The following RUNX1 variants were observed in gnomAD, a reference collection of about 807,000 sequenced individuals.
RUNX1 encodes runt-related transcription factor 1.
In RUNX1, 19 loss-of-function variants were observed where a neutral mutation model predicts 42.8. The observed-to-expected ratio is 0.44, with a 90% confidence interval of 0.31 to 0.65. The LOEUF (loss-of-function observed/expected upper bound fraction) is 0.65. RUNX1 is among the 30% of genes least tolerant of loss of function. The probability of loss-of-function intolerance (pLI) is 0.07; values close to 1 mark genes in which losing one functional copy is unlikely to be tolerated. For synonymous variants in RUNX1, 271 were observed against 289.4 expected, an observed-to-expected ratio of 0.94 and a Z score of 0.64; for missense variants, 528 against 672.0, an observed-to-expected ratio of 0.79 and a Z score of 2.37.
chr21:34,952,444 C>T (rs2058615552), intron 2 of RUNX1, among the ~76,000 whole-genome samples: 1 of 151,888 alleles, frequency 6.6e-6, no homozygotes, highest in African/African-American at 2.4e-5. Flanking sequence ...ATGGAATTGG[C>T]CTGTCATTAT....
At chr21:34,972,888 T>A (rs1329395272) in intron 2 of RUNX1, among the ~76,000 whole-genome samples, 1 of 152,180 alleles carries the variant, frequency 6.6e-6, no homozygotes. Context: ...TCCCTCAACA[T>A]CTTGCTCTGG....
chr21:34,930,451 T>A (rs2058434882), intron 2 of RUNX1, among the ~76,000 whole-genome samples: 2 of 151,840 alleles, frequency 1.3e-5, no homozygotes, highest in South Asian at 2.1e-4. Context: ...AAGGAAGGAC[T>A]CTGAGACCAC....
chr21:34,882,510 T>G (rs2300400), intron 4 of RUNX1, among the ~76,000 whole-genome samples: 1 of 152,090 alleles, frequency 6.6e-6, no homozygotes, highest in African/African-American at 2.4e-5. Flanking sequence ...GTTTTCCATA[T>G]AGGAGATTTT....
chr21:35,018,944 C>A (rs1419561948), intron 2 of RUNX1, among the ~76,000 whole-genome samples: 1 of 152,246 alleles, frequency 6.6e-6, no homozygotes, highest in Non-Finnish European at 1.5e-5. Context: ...ACTCTCCAAG[C>A]ACCCTCAGCC....
rs113371851 is a variant in RUNX1, at chr21:34,946,225, G to A, written c.59-53262C>T. Among the ~76,000 whole-genome samples, 863 of 152,304 alleles carry A rather than the reference G, an allele frequency of 5.7e-3. 7 individuals carry two copies. Among genetic ancestry groups the A allele is most frequent in the African/African-American group, 0.02 (826 of 41,562 alleles). On this transcript the variant is annotated intron_variant, in intron 2 of 8. Transcript: ENST00000675419. ...TGCAGATGAACCTTGCCAAAGAAATGATATCACTGTGACATTTCTGTCTTC... is the reference window on the plus strand; with the variant it reads ...TGCAGATGAACCTTGCCAAAGAAATAATATCACTGTGACATTTCTGTCTTC...
intron 2 of RUNX1, among the ~76,000 whole-genome samples, chr21:34,909,659 T>A (rs1260097219): frequency 5.1e-5 from 1 of 19,644 alleles, no homozygotes; most frequent in Non-Finnish European, 8.4e-5. Flanking sequence ...CCTCTTCAGC[T>A]GAGTCTGGAA....
intron 2 of RUNX1, among the ~76,000 whole-genome samples, chr21:34,992,588 T>G (rs1354262441): frequency 6.6e-6 from 1 of 151,136 alleles, no homozygotes; most frequent in Non-Finnish European, 1.5e-5. Flanking sequence ...CAAGTGGTGA[T>G]TTCAGAGAGT....
At chr21:34,934,285 T>C (rs914911301) in intron 2 of RUNX1, among the ~76,000 whole-genome samples, 1 of 152,092 alleles carries the variant, frequency 6.6e-6, no homozygotes, top group African/African-American at 2.4e-5. Flanking sequence ...TTTTTAATCA[T>C]CTTAGGCTAA....
intron 2 of RUNX1, among the ~76,000 whole-genome samples, chr21:35,009,326 A>T (rs1294756544): frequency 6.6e-6 from 1 of 152,172 alleles, no homozygotes; most frequent in African/African-American, 2.4e-5. Flanking sequence ...ATCCTGCCCG[A>T]TGTCTTCTCT....
intron 2 of RUNX1, among the ~76,000 whole-genome samples, chr21:34,937,320 C>CG (rs1555907496): frequency 8.2e-6 from 1 of 122,212 alleles, no homozygotes; most frequent in Non-Finnish European, 1.7e-5. Context: ...GGCCATCAGC[C>CG]AAAAAAAAAA....
intron 2 of RUNX1, among the ~76,000 whole-genome samples, chr21:34,963,052 G>A (rs772620841): frequency 2.0e-5 from 3 of 152,206 alleles, no homozygotes; most frequent in Non-Finnish European, 4.4e-5. Flanking sequence ...AGTCAAGGCT[G>A]AGAACTCTGT....
intron 2 of RUNX1, among the ~76,000 whole-genome samples, chr21:34,940,278 T>C (rs1005827446): frequency 2.0e-5 from 3 of 152,204 alleles, no homozygotes; most frequent in Non-Finnish European, 4.4e-5. Flanking sequence ...AGCCCCAGCC[T>C]AGACTTCTTG....
At chr21:34,808,448 C>T (rs1296754822) in intron 7 of RUNX1, among the ~76,000 whole-genome samples, 1 of 152,158 alleles carries the variant, frequency 6.6e-6, no homozygotes, top group Admixed American at 6.5e-5. Context: ...TTCATCACCT[C>T]GCCGGGGAAG....
At position 34,947,024 on chromosome 21, in the gene RUNX1, C is replaced by A. The variant is rs117358456; in HGVS notation, c.59-54061G>T. On this transcript the variant is annotated intron_variant, in intron 2 of 8. Transcript: ENST00000675419. ...CCTCAAAGGCCAATTCTACCATGGT[C>A]TTTCTTCAACCCATAGTCATAACAC... Among the ~76,000 whole-genome samples, 7 of 152,272 alleles carry A rather than the reference C, an allele frequency of 4.6e-5. No individual in the cohort carries two copies. In the East Asian group the frequency reaches 1.4e-3, roughly 29 times the overall value.
intron 7 of RUNX1, among the ~76,000 whole-genome samples, chr21:34,810,691 T>G (rs1487852066): frequency 1.3e-5 from 2 of 152,202 alleles, no homozygotes; most frequent in Non-Finnish European, 2.9e-5. Context: ...CATCTGTCCC[T>G]TAGATTCCTG....
At chr21:34,889,246 C>G (rs1464428436) in intron 3 of RUNX1, among the ~76,000 whole-genome samples, 1 of 152,028 alleles carries the variant, frequency 6.6e-6, no homozygotes, top group Non-Finnish European at 1.5e-5. Flanking sequence ...CCGCGGGGCC[C>G]GGGGGAGCCA....
intron 7 of RUNX1, among the ~76,000 whole-genome samples, chr21:34,817,687 C>T (rs1003086823): frequency 1.3e-5 from 2 of 152,170 alleles, no homozygotes; most frequent in Non-Finnish European, 2.9e-5. Context: ...ACTGTTGGCT[C>T]TCGCAGTAAA....
chr21:34,923,503 T>A (rs1394463810), intron 2 of RUNX1, among the ~76,000 whole-genome samples: 1 of 152,162 alleles, frequency 6.6e-6, no homozygotes, highest in African/African-American at 2.4e-5. Context: ...CAAACAAAAC[T>A]CTAATTATAG....
At chr21:35,045,932 G>C (rs2059393074) in intron 2 of RUNX1, among the ~76,000 whole-genome samples, 1 of 152,150 alleles carries the variant, frequency 6.6e-6, no homozygotes, top group Non-Finnish European at 1.5e-5. Context: ...AGGCATGTGA[G>C]TGTTCAGGCT....
Sources: allele counts gnomAD v4.1 joint callset (sites outside exome capture counted in the v4.1 genomes callset), GRCh38; gene constraint gnomAD v4.1.1; transcripts MANE v1.5; gene names NCBI Gene and HGNC (gene_info 2026-07-23, HGNC 2026-07-21).